The following ASTN1 variants were observed in gnomAD, a reference collection of about 807,000 sequenced individuals.
The protein encoded by ASTN1 is astrotactin-1.
A neutral mutation model predicts 140.7 loss-of-function variants in ASTN1; 41 were observed. That is an observed-to-expected ratio of 0.29 (90% CI 0.23 to 0.38). The LOEUF (loss-of-function observed/expected upper bound fraction) is 0.38. Ranked by LOEUF, ASTN1 falls within the 10% of genes least tolerant of loss-of-function variation. The probability of loss-of-function intolerance (pLI) is 1.00; values close to 1 mark genes in which losing one functional copy is unlikely to be tolerated. For missense variants in ASTN1, 1,479 were observed against 1,678.8 expected (o/e 0.88, Z 2.08); for synonymous variants, 640 against 652.2 (o/e 0.98, Z 0.29).
chr1:177,000,130 C>A (rs1000663978), intron 8 of ASTN1, among the ~76,000 whole-genome samples: 1 of 152,150 alleles, frequency 6.6e-6, no homozygotes, highest in African/African-American at 2.4e-5. Flanking sequence ...AAGACCTATA[C>A]CTAGGTTAAG....
At chr1:177,106,979 T>C (rs1039931541) in intron 1 of ASTN1, among the ~76,000 whole-genome samples, 11 of 152,132 alleles carry the variant, frequency 7.2e-5, no homozygotes, top group Admixed American at 1.3e-4. Flanking sequence ...AGTAATGAAA[T>C]AGCAGATGGC....
chr1:176,919,468 T>C (rs1294571108), intron 16 of ASTN1, among the ~76,000 whole-genome samples: 4 of 152,148 alleles, frequency 2.6e-5, no homozygotes, highest in Non-Finnish European at 4.4e-5. Flanking sequence ...TTTTTTCTAC[T>C]CTACCGTGTA....
At chr1:176,965,631 C>T (rs1672844306) in intron 8 of ASTN1, among the ~76,000 whole-genome samples, 1 of 142,256 alleles carries the variant, frequency 7.0e-6, no homozygotes, top group Admixed American at 7.1e-5. Flanking sequence ...GGATTCAAAC[C>T]TCATTCTCAC....
intron 1 of ASTN1, among the ~76,000 whole-genome samples, chr1:177,151,216 C>T (rs955875831): frequency 1.3e-5 from 2 of 151,622 alleles, no homozygotes; most frequent in Non-Finnish European, 1.5e-5. Flanking sequence ...TAATTTTTTT[C>T]GAATCCTTAT....
chr1:177,129,777 G>A (rs910395568), intron 1 of ASTN1, among the ~76,000 whole-genome samples: 1 of 152,046 alleles, frequency 6.6e-6, no homozygotes, highest in Admixed American at 6.5e-5. Context: ...GACCATCCTG[G>A]CTAACACGGT....
At chr1:176,991,413 CAAAAAAAAAAAAAAAAAAAAACCAA>C (rs371208644) in intron 8 of ASTN1, among the ~76,000 whole-genome samples, 1,445 of 109,518 alleles carry the variant, frequency 0.013, 13 homozygotes, top group Middle Eastern at 0.031. Flanking sequence ...AACTCTGTCT[CAAAAAAAAAAAAAAAAAAAAACCAA>C]AAAAAAAAAA....
chr1:176,869,621 G>A (rs888112216), intron 21 of ASTN1, among the ~76,000 whole-genome samples: 1 of 152,230 alleles, frequency 6.6e-6, no homozygotes, highest in Non-Finnish European at 1.5e-5. Flanking sequence ...TTTTGCAGGA[G>A]AGGATGTATG....
At chr1:176,883,910 G>A (rs1456410969) in intron 19 of ASTN1, among the ~76,000 whole-genome samples, 1 of 152,214 alleles carries the variant, frequency 6.6e-6, no homozygotes, top group African/African-American at 2.4e-5. Flanking sequence ...AAACACATCT[G>A]TTTGCACATG....
intron 2 of ASTN1, among the ~76,000 whole-genome samples, chr1:177,041,846 A>G (rs1030219292): frequency 1.6e-4 from 25 of 152,086 alleles, no homozygotes; most frequent in African/African-American, 6.0e-4. Context: ...TTAATGGGGG[A>G]AAAGAGGTTC....
chr1:176,894,950 T>A, intron 16 of ASTN1, 120 bp from the exon 17 acceptor site: 1 of 1,374,652 alleles, frequency 7.3e-7, no homozygotes, highest in Non-Finnish European at 1.0e-6. Context: ...ACTGAAGGGG[T>A]AAGAATGTGA....
At chr1:176,922,556 CAAAAA>C (rs71129589) in intron 16 of ASTN1, among the ~76,000 whole-genome samples, 26 of 77,564 alleles carry the variant, frequency 3.4e-4, no homozygotes, top group Middle Eastern at 8.1e-3. Context: ...GCCCCCACTG[CAAAAA>C]AAAAAAAAAA....
chr1:177,061,239 G>T lies in ASTN1; in HGVS notation c.310C>A (p.Pro104Thr). 2.5e-6 allele frequency: 4 copies of T among 1,583,832 alleles called. No individual in the cohort carries two copies. Among genetic ancestry groups the T allele is most frequent in the East Asian group, 4.6e-5 (2 of 43,190 alleles). ...CACTGCTGCCTCCAGCGCACCAAAG[G>T]GATATCCTCTGTGTTCCCTGAGATC... ...LEISGNTEDI[P>T]LVRWRQQWLE... The change falls in exon 2 of 23, where the codon CCT (proline) becomes ACT (threonine). Residue 104 changes from proline (P) to threonine (T), a missense_variant. Transcript: ENST00000361833.
chr1:176,962,525 A>G (rs557538726), intron 9 of ASTN1, among the ~76,000 whole-genome samples: 4 of 152,358 alleles, frequency 2.6e-5, no homozygotes, highest in African/African-American at 9.6e-5. Context: ...GAAGAACATC[A>G]TTTCATTGGG....
At chr1:177,116,397 C>T (rs181886419) in intron 1 of ASTN1, among the ~76,000 whole-genome samples, 44 of 152,186 alleles carry the variant, frequency 2.9e-4, no homozygotes, top group Non-Finnish European at 5.0e-4. Context: ...TTCTCAGAAT[C>T]GAAATACTTT....
In ASTN1 at chr1:176,936,164, T is replaced by C. The variant is rs748122440; in HGVS notation, c.2482+102A>G. The C allele has an allele frequency of 9.5e-5, 96 of 1,008,984 alleles. 1 individual carries two copies. The Admixed American group carries it at 1.7e-3, about 17-fold the overall frequency. 62.5% of individuals were successfully genotyped at this position (1,008,984 alleles called of 1,614,324 possible). On this transcript the variant is annotated intron_variant, in intron 15 of 22. Transcript: ENST00000361833. ...TCACACATCTCATGCAATAGCTACA[T>C]TTTAGGCTGCATCTTCGACAGTGGG...
intron 19 of ASTN1, among the ~76,000 whole-genome samples, chr1:176,883,230 T>G (rs1290203198): frequency 2.7e-5 from 4 of 148,392 alleles, no homozygotes; most frequent in Non-Finnish European, 5.9e-5. Context: ...CCTGAGAGCT[T>G]CTTTTTTTTT....
intron 1 of ASTN1, among the ~76,000 whole-genome samples, chr1:177,142,747 TG>T (rs1682528814): frequency 6.6e-6 from 1 of 152,172 alleles, no homozygotes; most frequent in Non-Finnish European, 1.5e-5. Context: ...TTGCTCTATC[TG>T]GAAGTCATTA....
chr1:176,994,868 CT>C (rs1220013671), intron 8 of ASTN1, among the ~76,000 whole-genome samples: 2 of 151,840 alleles, frequency 1.3e-5, no homozygotes, highest in Non-Finnish European at 2.9e-5. Context: ...TATTACTCAT[CT>C]TTTTTTTCCA....
chr1:176,952,306 T>TAC (rs1259889847), intron 11 of ASTN1, among the ~76,000 whole-genome samples: 1 of 151,772 alleles, frequency 6.6e-6, no homozygotes, highest in Non-Finnish European at 1.5e-5. Flanking sequence ...CATGCATGCA[T>TAC]ACACACACAT....
Sources: gnomAD v4.1 joint callset for allele counts (sites outside exome capture counted in the v4.1 genomes callset) on GRCh38, gnomAD v4.1.1 for gene constraint, MANE v1.5 for transcripts, NCBI Gene and HGNC (gene_info 2026-07-23, HGNC 2026-07-21) for gene names.